EHMT1: variants seen among roughly 807,000 people sequenced by gnomAD.
EHMT1 encodes euchromatic histone lysine methyltransferase 1.
A neutral mutation model predicts 147.2 loss-of-function variants in EHMT1; 15 were observed. The ratio of observed to expected loss-of-function variants is 0.10; its 90% CI spans 0.07 to 0.16. The LOEUF (loss-of-function observed/expected upper bound fraction) is 0.16, where lower values mean the gene tolerates loss of function less well. Ranked by LOEUF, EHMT1 falls within the 10% of genes least tolerant of loss-of-function variation. The pLI is 1.00. For synonymous variants in EHMT1, 795 were observed against 709.6 expected, an observed-to-expected ratio of 1.12 and a Z score of -1.91; for missense variants, 1,587 against 1,772.4, an observed-to-expected ratio of 0.90 and a Z score of 1.88.
At chr9:137,809,282 G>A (rs746020698) in intron 18 of EHMT1, among the ~76,000 whole-genome samples, 15 of 152,200 alleles carry the variant, frequency 9.9e-5, no homozygotes, top group Non-Finnish European at 1.6e-4. Flanking sequence ...AAGGGTTGAC[G>A]GTGCTGCACG....
At chr9:137,834,167 A>G (rs1956427541) in intron 25 of EHMT1, 182 bp from the exon 26 acceptor site, 1 of 762,460 alleles carries the variant, frequency 1.3e-6, no homozygotes. Context: ...GTGGCCACAC[A>G]GCGAGGAGAA....
intron 1 of EHMT1, among the ~76,000 whole-genome samples, chr9:137,699,305 G>A (rs761282039): frequency 6.6e-6 from 1 of 152,226 alleles, no homozygotes; most frequent in Non-Finnish European, 1.5e-5. Context: ...CGTATTAAAT[G>A]ACAATGGAGA....
intron 16 of EHMT1, among the ~76,000 whole-genome samples, chr9:137,793,476 G>C (rs2137164362): frequency 6.6e-6 from 1 of 152,366 alleles, no homozygotes; most frequent in Non-Finnish European, 1.5e-5. Flanking sequence ...GTGGAAACCA[G>C]TCTGGTGGTT....
intron 1 of EHMT1, among the ~76,000 whole-genome samples, chr9:137,682,721 G>C (rs1180836041): frequency 1.3e-5 from 2 of 152,174 alleles, no homozygotes; most frequent in African/African-American, 4.8e-5. Context: ...GCTGTCCCTG[G>C]GGTCATATCC....
rs1463787658 is a variant in EHMT1 at position 137,782,440 on chromosome 9, C to T, written c.2382+43C>T. On this transcript the variant is annotated intron_variant, in intron 15 of 26. Coordinates refer to ENST00000460843, the MANE Select transcript of EHMT1 (RefSeq NM_024757.5). This position sits in a 1 kb window ranked among gnomAD's most constrained non-coding sequence, Gnocchi z 5.7. ...CCTCCTAGGGCTCTTCACCTGCTCT[C>T]TTTTATTTTTACCAAAGTAAAATCA... is the stretch of plus-strand genomic sequence containing the variant. 12 of 1,530,414 alleles carry T rather than the reference C, an allele frequency of 7.8e-6. No homozygotes were observed. In the African/African-American group the frequency reaches 1.6e-4, roughly 21 times the overall value. The allele number at this position is 1,530,414 out of a possible 1,614,324, so 94.8% of individuals were successfully genotyped here.
At position 137,673,482 on chromosome 9, in the gene EHMT1, G is replaced by C. The variant is rs530544425; in HGVS notation, c.22-37485G>C. ...GTGTCCTGGGAGGCAGGGCAGCTGT[G>C]TCCAGCTGCAGTGTCCCTGGTGGCT... is the stretch of plus-strand genomic sequence containing the variant. On this transcript the variant is annotated intron_variant, in intron 1 of 26. Coordinates refer to ENST00000460843, the MANE Select transcript of EHMT1 (RefSeq NM_024757.5). Among the ~76,000 whole-genome samples the C allele has an allele frequency of 2.0e-5, 3 of 152,326 alleles. No homozygotes were observed. In the South Asian group the frequency reaches 6.2e-4, roughly 32 times the overall value.
At chr9:137,666,589 G>T (rs1939680107) in intron 1 of EHMT1, among the ~76,000 whole-genome samples, 1 of 152,238 alleles carries the variant, frequency 6.6e-6, no homozygotes, top group South Asian at 2.1e-4. Context: ...TCTTTGCCAT[G>T]CAGGCTGCAG....
chr9:137,719,063 T>C (rs925630662), intron 3 of EHMT1, among the ~76,000 whole-genome samples: 2 of 152,182 alleles, frequency 1.3e-5, no homozygotes, highest in African/African-American at 4.8e-5. Context: ...TGATTAGTTC[T>C]TTTAATTTAA....
At position 137,835,746 on chromosome 9, in the gene EHMT1, G is replaced by A. The variant is rs1956538812; in HGVS notation, c.*793G>A. The A allele has an allele frequency of 6.6e-6, 1 of 152,606 alleles. No homozygotes were observed. Among genetic ancestry groups the A allele is most frequent in the African/African-American group, 2.4e-5 (1 of 41,448 alleles). The allele number at this position is 152,606 out of a possible 1,614,324, so 9.5% of individuals were successfully genotyped here. The stretch of plus-strand genomic sequence containing the variant: ...TAAAAAACAAAACACAGACAACGGT[G>A]CTGATTCTGGTGTGGTTTCTACTCA... On this transcript the variant is annotated 3_prime_UTR_variant, in exon 27 of 27. Coordinates refer to ENST00000460843, the MANE Select transcript of EHMT1 (RefSeq NM_024757.5).
At chr9:137,676,498 C>G (rs771177261) in intron 1 of EHMT1, 1 of 152,408 alleles carries the variant, frequency 6.6e-6, no homozygotes, top group Admixed American at 6.5e-5. Flanking sequence ...CTGAAGTAGC[C>G]GGGACTACAG....
intron 18 of EHMT1, among the ~76,000 whole-genome samples, chr9:137,807,788 G>GCT (rs1954076934): frequency 6.6e-6 from 1 of 152,180 alleles, no homozygotes; most frequent in South Asian, 2.1e-4. Context: ...GATTACAAGT[G>GCT]TGAGCCACCT....
chr9:137,735,761 A>G (rs563564240), intron 4 of EHMT1, among the ~76,000 whole-genome samples: 5 of 152,278 alleles, frequency 3.3e-5, no homozygotes, highest in African/African-American at 1.2e-4. Context: ...AGGTGAGTGA[A>G]TTCTCGCTCT....
At chr9:137,800,841 T>A in intron 17 of EHMT1, 39 bp from the exon 18 acceptor site, 1 of 1,595,074 alleles carries the variant, frequency 6.3e-7, no homozygotes, top group Non-Finnish European at 8.6e-7. Context: ...TGGTTGCCGG[T>A]CTCTGGAGCG....
chr9:137,739,145 G>C (rs558461893), intron 4 of EHMT1, among the ~76,000 whole-genome samples: 48 of 151,432 alleles, frequency 3.2e-4, no homozygotes, highest in African/African-American at 1.0e-3. Flanking sequence ...GCCGAAGCAG[G>C]CAGATCACAA....
At chr9:137,674,831 G>T (rs1036623651) in intron 1 of EHMT1, 2 of 152,196 alleles carry the variant, frequency 1.3e-5, no homozygotes, top group East Asian at 3.8e-4. Context: ...GAGAGTCGCG[G>T]GAAGCAGGGG....
At chr9:137,743,181 T>G (rs1948253647) in intron 4 of EHMT1, 190 bp from the exon 5 acceptor site, 3 of 619,850 alleles carry the variant, frequency 4.8e-6, no homozygotes, top group African/African-American at 3.7e-5. Context: ...TCTGATTCTC[T>G]GTGAATTGAT....
Position 137,812,949 on chromosome 9 carries a change from G to T in EHMT1, c.2868-57G>T, listed in dbSNP as rs879023449. On this transcript the variant is annotated intron_variant, in intron 19 of 26. Coordinates refer to ENST00000460843, the MANE Select transcript of EHMT1 (RefSeq NM_024757.5). ...GACGGACATTTTATAAATCTCATCT[G>T]TATCACATTTTCAAGTCAGCTTTAA... The T allele has an allele frequency of 2.5e-6, 4 of 1,600,086 alleles. No individual in the cohort carries two copies. In the African/African-American group the frequency reaches 4.0e-5, roughly 16 times the overall value.
intron 1 of EHMT1, among the ~76,000 whole-genome samples, chr9:137,668,334 C>A (rs1322406773): frequency 6.6e-6 from 1 of 151,614 alleles, no homozygotes; most frequent in Non-Finnish European, 1.5e-5. Context: ...ACCCACCACT[C>A]ACCCACCCAC....
intron 18 of EHMT1, among the ~76,000 whole-genome samples, chr9:137,804,724 CT>C (rs1446780118): frequency 1.3e-5 from 2 of 151,504 alleles, no homozygotes; most frequent in African/African-American, 4.9e-5. Context: ...ACATTTAGGT[CT>C]GTGTTTTATT....
Sources: allele counts gnomAD v4.1 joint callset (sites outside exome capture counted in the v4.1 genomes callset), GRCh38; gene constraint gnomAD v4.1.1; non-coding constraint Gnocchi (gnomAD v3.1); transcripts MANE v1.5; gene names NCBI Gene and HGNC (gene_info 2026-07-23, HGNC 2026-07-21).